Variants in NIPAL2 observed in about 807,000 individuals in gnomAD.
The protein encoded by NIPAL2 is NIPA like domain containing 2.
In NIPAL2, 43 loss-of-function variants were observed where a neutral mutation model predicts 48.9. The ratio of observed to expected loss-of-function variants is 0.88; its 90% CI spans 0.69 to 1.13. The LOEUF (loss-of-function observed/expected upper bound fraction) is 1.13, where lower values mean the gene tolerates loss of function less well. Ranked by LOEUF, NIPAL2 falls within the 50% of genes most tolerant of loss-of-function variation. The probability of loss-of-function intolerance (pLI) is 0.00; values close to 1 mark genes in which losing one functional copy is unlikely to be tolerated. For synonymous variants in NIPAL2, 167 were observed against 174.6 expected, an observed-to-expected ratio of 0.96 and a Z score of 0.34; for missense variants, 446 against 461.4, an observed-to-expected ratio of 0.97 and a Z score of 0.31.
At chr8:98,240,684 G>A (rs1812938881) in intron 3 of NIPAL2, among the ~76,000 whole-genome samples, 1 of 152,188 alleles carries the variant, frequency 6.6e-6, no homozygotes, top group Non-Finnish European at 1.5e-5. Flanking sequence ...GAAAGGCTAA[G>A]GCTGATTCAT....
chr8:98,259,069 C>CTTTT (rs1563531576), intron 1 of NIPAL2, among the ~76,000 whole-genome samples: 9,566 of 88,072 alleles, frequency 0.11, 1,239 homozygotes, highest in Middle Eastern at 0.14. Flanking sequence ...TTTAAATATT[C>CTTTT]CTTTTTTTTT....
chr8:98,290,471 C>A (rs1480867204), intron 1 of NIPAL2, among the ~76,000 whole-genome samples: 1 of 152,204 alleles, frequency 6.6e-6, no homozygotes, highest in Non-Finnish European at 1.5e-5. Context: ...CATTTTCCCT[C>A]TTCTGTCCAT....
At chr8:98,284,538 C>T (rs1586489050) in intron 1 of NIPAL2, among the ~76,000 whole-genome samples, 1 of 151,982 alleles carries the variant, frequency 6.6e-6, no homozygotes, top group East Asian at 1.9e-4. Context: ...ATAGAGAAGG[C>T]CTCTCTGCTT....
chr8:98,284,501 T>C (rs907293197), intron 1 of NIPAL2, among the ~76,000 whole-genome samples: 1 of 152,120 alleles, frequency 6.6e-6, no homozygotes, highest in African/African-American at 2.4e-5. Flanking sequence ...TAGTCCATGT[T>C]TTCTGACTCT....
At chr8:98,242,324 C>T (rs766096621) in intron 3 of NIPAL2, among the ~76,000 whole-genome samples, 2 of 151,798 alleles carry the variant, frequency 1.3e-5, no homozygotes, top group African/African-American at 2.4e-5. Flanking sequence ...GGACTATAGG[C>T]AATACCGTGT....
intron 1 of NIPAL2, among the ~76,000 whole-genome samples, chr8:98,274,978 A>G (rs576823077): frequency 6.6e-6 from 1 of 152,004 alleles, no homozygotes; most frequent in Non-Finnish European, 1.5e-5. Context: ...ATTTTTTTAA[A>G]CCTTTAATTT....
At chr8:98,259,538 T>C (rs1814161014) in intron 1 of NIPAL2, among the ~76,000 whole-genome samples, 1 of 152,212 alleles carries the variant, frequency 6.6e-6, no homozygotes, top group African/African-American at 2.4e-5. Context: ...TACTCCTCCC[T>C]ATATCCGTGC....
chr8:98,230,105 C>A (rs1812364580), intron 4 of NIPAL2, among the ~76,000 whole-genome samples: 2 of 152,150 alleles, frequency 1.3e-5, no homozygotes, highest in South Asian at 4.2e-4. Context: ...ATTTTCTTAA[C>A]TATTATACTC....
rs780218353 is a variant in NIPAL2, at chr8:98,194,726, A to G, written c.1039+2T>C. On this transcript the variant is annotated splice_donor_variant, in intron 10 of 10. Transcript: ENST00000430223. LOFTEE classifies it high-confidence loss of function. The stretch of plus-strand genomic sequence containing the variant: ...TCCACTATAAAGAATATATGATTTT[A>G]CCAGGAATATTTCCAAAATCAATAT... 1.3e-6 allele frequency: 2 copies of G among 1,518,834 alleles called. No homozygotes were observed. Among genetic ancestry groups the G allele is most frequent in the East Asian group, 2.3e-5 (1 of 43,046 alleles). 94.1% of individuals were successfully genotyped at this position (1,518,834 alleles called of 1,614,324 possible). A position where few individuals can be genotyped will look rare whatever the true frequency, so the allele number is the denominator to read the frequency against.
chr8:98,240,164 C>T (rs568163143), intron 3 of NIPAL2, among the ~76,000 whole-genome samples: 102 of 152,248 alleles, frequency 6.7e-4, no homozygotes, highest in Middle Eastern at 3.4e-3. Flanking sequence ...ATAGTTATGA[C>T]TGGATATTTA....
At chr8:98,201,193 T>C (rs1480616329) in intron 8 of NIPAL2, among the ~76,000 whole-genome samples, 3 of 152,152 alleles carry the variant, frequency 2.0e-5, no homozygotes, top group South Asian at 2.1e-4. Flanking sequence ...TTGTAAGCTA[T>C]GCTTTCTCAT....
intron 1 of NIPAL2, among the ~76,000 whole-genome samples, chr8:98,276,021 T>G (rs1815438110): frequency 6.6e-6 from 1 of 152,214 alleles, no homozygotes; most frequent in Non-Finnish European, 1.5e-5. Flanking sequence ...CTGCCACACA[T>G]GCACAGCCTT....
At chr8:98,245,973 T>C (rs977923666) in intron 3 of NIPAL2, among the ~76,000 whole-genome samples, 1 of 152,110 alleles carries the variant, frequency 6.6e-6, no homozygotes, top group Non-Finnish European at 1.5e-5. Flanking sequence ...GAAGTGACAC[T>C]ATCACAGGCA....
chr8:98,222,895 C>T (rs188545200), intron 4 of NIPAL2, among the ~76,000 whole-genome samples: 2 of 152,308 alleles, frequency 1.3e-5, no homozygotes, highest in African/African-American at 4.8e-5. Flanking sequence ...TTGGGAAGAT[C>T]AGAATATGTG....
Position 98,216,356 on chromosome 8 carries a change from C to T in NIPAL2, c.559-3855G>A, listed in dbSNP as rs530161534. 2.1e-4 allele frequency among the ~76,000 whole-genome samples: 32 copies of T among 152,274 alleles called. 1 individual carries two copies. The highest frequency in any genetic ancestry group is 1.9e-3 in the East Asian group (10 of 5,184). ...AGAGGATAACAGTGGCCCATGTATA[C>T]GGCCAGTATGCAGGTAAAGAACAGA... On this transcript the variant is annotated intron_variant, in intron 5 of 10. Coordinates refer to ENST00000430223, the MANE Select transcript of NIPAL2 (RefSeq NM_001321635.2).
rs1293653419 is a variant in NIPAL2, at chr8:98,222,572, A to G, written c.465T>C (p.Tyr155=). ...TATTTGGAGCAAAGTTCACCAGTAA[A>G]TATGTTCCTGCAAATGCCAGTGTCG... ...LGTTLAFAGT[Y]LLVNFAPNIT... is the part of the protein sequence containing the mutation. Residue 155 remains tyrosine (Y), a synonymous_variant, in exon 5 of 11, where the codon TAT becomes TAC. Coordinates refer to ENST00000430223, the MANE Select transcript of NIPAL2 (RefSeq NM_001321635.2). 6.2e-7 allele frequency: 1 copy of G among 1,613,990 alleles called. No homozygotes were observed. The highest frequency in any genetic ancestry group is 2.2e-5 in the East Asian group (1 of 44,892).
chr8:98,215,761 C>T (rs1369888587), intron 5 of NIPAL2, among the ~76,000 whole-genome samples: 5 of 152,176 alleles, frequency 3.3e-5, no homozygotes, highest in Admixed American at 6.5e-5. Context: ...TTCTTCCTTC[C>T]TTTGTTTTCT....
chr8:98,256,047 G>A lies in NIPAL2; in HGVS notation c.136-1960C>T, dbSNP rs551297731. 7.0e-4 allele frequency among the ~76,000 whole-genome samples: 106 copies of A among 151,142 alleles called. 1 individual carries two copies. The highest frequency in any genetic ancestry group is 2.3e-3 in the African/African-American group (96 of 41,096). ...TTTTTTTTTTTTGAGACAGAATCTC[G>A]CTCTGTCACCCAGGCCAGAGTGCAG... On this transcript the variant is annotated intron_variant, in intron 1 of 10. Transcript: ENST00000430223.
chr8:98,209,912 G>T (rs888323494), intron 6 of NIPAL2, among the ~76,000 whole-genome samples: 2 of 151,672 alleles, frequency 1.3e-5, no homozygotes, highest in African/African-American at 4.8e-5. Flanking sequence ...TCTTTTTTAG[G>T]ATATAGCTTT....
Sources: gnomAD v4.1 joint callset for allele counts (sites outside exome capture counted in the v4.1 genomes callset) on GRCh38, gnomAD v4.1.1 for gene constraint, MANE v1.5 for transcripts, NCBI Gene and HGNC (gene_info 2026-07-23, HGNC 2026-07-21) for gene names.